The following CACNA1C variants were observed in gnomAD, a reference collection of about 807,000 sequenced individuals.
CACNA1C encodes calcium voltage-gated channel subunit alpha1 C, also known as voltage-dependent L-type calcium channel subunit alpha-1C.
A neutral mutation model predicts 229.0 loss-of-function variants in CACNA1C; 30 were observed. That is an observed-to-expected ratio of 0.13 (90% CI 0.10 to 0.18). The LOEUF (loss-of-function observed/expected upper bound fraction) is 0.18. Ranked by LOEUF, CACNA1C falls within the 10% of genes least tolerant of loss-of-function variation. CACNA1C has a pLI of 1.00. For synonymous variants in CACNA1C, 1,114 were observed against 1,132.5 expected, an observed-to-expected ratio of 0.98 and a Z score of 0.33; for missense variants, 1,658 against 2,845.0, an observed-to-expected ratio of 0.58 and a Z score of 9.49.
intron 3 of CACNA1C, among the ~76,000 whole-genome samples, chr12:2,302,567 G>A (rs2094648642): frequency 6.6e-6 from 1 of 152,062 alleles, no homozygotes; most frequent in Non-Finnish European, 1.5e-5. Context: ...TGTCCTCCGG[G>A]CCCCTCGGAT....
intron 45 of CACNA1C, among the ~76,000 whole-genome samples, chr12:2,686,533 T>C (rs2097506202): frequency 6.6e-6 from 1 of 152,238 alleles, no homozygotes; most frequent in Admixed American, 6.5e-5. Context: ...GACCCACAGC[T>C]GCAGGTTCCA....
intron 29 of CACNA1C, among the ~76,000 whole-genome samples, chr12:2,618,956 C>T (rs1217698645): frequency 6.6e-6 from 1 of 152,258 alleles, no homozygotes; most frequent in African/African-American, 2.4e-5. Context: ...GAATCATCCT[C>T]TTCCAACTGT....
chr12:2,304,630 C>A (rs1379790432), intron 3 of CACNA1C, among the ~76,000 whole-genome samples: 1 of 152,154 alleles, frequency 6.6e-6, no homozygotes, highest in African/African-American at 2.4e-5. Context: ...TGTAAAGGCA[C>A]AGAGAGCGGG....
chr12:2,245,392 AAC>A (rs1191794151), intron 3 of CACNA1C, among the ~76,000 whole-genome samples: 1 of 152,190 alleles, frequency 6.6e-6, no homozygotes, highest in Non-Finnish European at 1.5e-5. Context: ...GGGAGAAGCA[AAC>A]ACACATGAGA....
intron 3 of CACNA1C, among the ~76,000 whole-genome samples, chr12:2,400,370 G>A (rs1447208212): frequency 6.6e-6 from 1 of 152,134 alleles, no homozygotes; most frequent in African/African-American, 2.4e-5. Flanking sequence ...GTGCCTACGG[G>A]GCAGGGGCTT....
intron 3 of CACNA1C, among the ~76,000 whole-genome samples, chr12:2,266,655 T>G (rs2082510653): frequency 6.6e-6 from 1 of 152,216 alleles, no homozygotes; most frequent in African/African-American, 2.4e-5. Context: ...TTAGTTTCCC[T>G]AGAAGCAGAA....
At position 1,997,242 on chromosome 12, in the gene CACNA1C, T is replaced by C. The variant is rs746511486; in HGVS notation, c.139+26041T>C. On this transcript the variant is annotated intron_variant, in intron 1 of 46. Coordinates refer to the CACNA1C transcript ENST00000682462. ...AGAGTCAGGGGTGGGAGAAAAGTGA[T>C]CAACAGCCAGGTGCGGTGGCTCACG... Among the ~76,000 whole-genome samples the C allele has an allele frequency of 5.9e-5, 9 of 152,306 alleles. No individual in the cohort carries two copies. The East Asian group carries it at 1.7e-3, about 29-fold the overall frequency.
intron 1 of CACNA1C, among the ~76,000 whole-genome samples, chr12:2,003,450 CATT>C (rs2042648060): frequency 6.6e-6 from 1 of 152,156 alleles, no homozygotes; most frequent in African/African-American, 2.4e-5. Flanking sequence ...GGACAAAACT[CATT>C]ATGAGTAAAG....
rs1212862331 is a variant in CACNA1C at position 2,593,297 on chromosome 12, T to A, written c.2615T>A (p.Val872Glu). 1.2e-6 allele frequency: 2 copies of A among 1,613,706 alleles called. No homozygotes were observed. Among genetic ancestry groups the A allele is most frequent in the Non-Finnish European group, 1.7e-6 (2 of 1,179,856 alleles). ...LSELHLKEKA[V>E]PMPEASAFFI... The stretch of plus-strand genomic sequence containing the variant: ...GAGCTTCACCTTAAGGAAAAGGCAG[T>A]GCCCATGCCAGAAGCCAGCGCGTTT... The change falls in exon 19 of 47, where the codon GTG (valine) becomes GAG (glutamate). Residue 872 changes from valine to glutamate, a missense_variant. By Grantham distance (121) the Val-to-Glu change is moderately radical (BLOSUM62 -2). This residue lies in a region of CACNA1C where 52 missense variants were observed against 99.0 expected (regional missense o/e 0.53). Transcript: ENST00000399655.
intron 24 of CACNA1C, among the ~76,000 whole-genome samples, chr12:2,606,383 T>G (rs2075355567): frequency 6.6e-6 from 1 of 151,930 alleles, no homozygotes; most frequent in Non-Finnish European, 1.5e-5. Flanking sequence ...AGAGTACAGC[T>G]CCCATGGACC....
In CACNA1C at chr12:2,605,554, G is replaced by A. The variant is rs879091289; in HGVS notation, c.3049-125G>A. The A allele has an allele frequency of 8.3e-5, 59 of 714,276 alleles. No homozygotes were observed. The highest frequency in any genetic ancestry group is 3.2e-4 in the African/African-American group (18 of 56,620). The allele number at this position is 714,276 out of a possible 1,614,324, so 44.2% of individuals were successfully genotyped here. On this transcript the variant is annotated intron_variant, in intron 23 of 46. Transcript: ENST00000399655. The surrounding 1 kb of genome is among the most constrained non-coding windows in gnomAD (Gnocchi z 6.2). ...TCACTTCCCATGTGACTTTGGGAGC[G>A]TGGCTTTGCCCCTCTCAGCCCAATT...
intron 3 of CACNA1C, among the ~76,000 whole-genome samples, chr12:2,153,652 G>C (rs559421315): frequency 6.6e-6 from 1 of 152,186 alleles, no homozygotes. Context: ...GGACAGGGCC[G>C]TGTTGACAGG....
At chr12:2,386,864 C>A (rs1020076970) in intron 3 of CACNA1C, among the ~76,000 whole-genome samples, 2 of 152,164 alleles carry the variant, frequency 1.3e-5, no homozygotes, top group African/African-American at 4.8e-5. Context: ...TTTCCTGACT[C>A]CTGGGGCAGC....
chr12:2,066,308 G>GGA (rs1018458726), intron 1 of CACNA1C, among the ~76,000 whole-genome samples: 1 of 152,156 alleles, frequency 6.6e-6, no homozygotes, highest in Non-Finnish European at 1.5e-5. Flanking sequence ...GAGCCATTGG[G>GGA]GAGAGAGAGA....
At chr12:2,437,079 G>A (rs2099141806) in intron 3 of CACNA1C, among the ~76,000 whole-genome samples, 2 of 152,232 alleles carry the variant, frequency 1.3e-5, no homozygotes, top group African/African-American at 4.8e-5. Flanking sequence ...TTCCCTTCAT[G>A]CCACACTGGC....
chr12:2,549,749 G>T (rs2099893543), intron 9 of CACNA1C, among the ~76,000 whole-genome samples, 194 bp from the exon 10 acceptor site: 1 of 152,162 alleles, frequency 6.6e-6, no homozygotes, highest in African/African-American at 2.4e-5. Flanking sequence ...GTTCTTGGCG[G>T]CAAAACCTGC....
At chr12:2,022,340 T>G (rs1051505226) in intron 1 of CACNA1C, among the ~76,000 whole-genome samples, 7 of 152,222 alleles carry the variant, frequency 4.6e-5, no homozygotes, top group Non-Finnish European at 8.8e-5. Flanking sequence ...CTTTCTTAAA[T>G]GTATGTATAG....
chr12:2,191,283 G>A (rs548100137), intron 3 of CACNA1C, among the ~76,000 whole-genome samples: 2 of 152,096 alleles, frequency 1.3e-5, no homozygotes, highest in Admixed American at 6.5e-5. Context: ...AGACTGAAGC[G>A]CCGGCCCACA....
chr12:2,142,597 A>T (rs78191205), intron 3 of CACNA1C, among the ~76,000 whole-genome samples: 3 of 151,384 alleles, frequency 2.0e-5, no homozygotes, highest in Non-Finnish European at 4.4e-5. Flanking sequence ...AGGCATTGTC[A>T]TCTTAGGACA....
Sources: gnomAD v4.1 joint callset for allele counts (sites outside exome capture counted in the v4.1 genomes callset) on GRCh38, gnomAD v4.1.1 for gene constraint, gnomAD v4.1.1 regional missense constraint, Gnocchi (gnomAD v3.1) non-coding constraint, MANE v1.5 for transcripts, NCBI Gene and HGNC (gene_info 2026-07-23, HGNC 2026-07-21) for gene names.